Variants in TTC29 observed in about 807,000 individuals in gnomAD.
TTC29 encodes the protein tetratricopeptide repeat domain 29.
A neutral mutation model predicts 58.1 loss-of-function variants in TTC29; 49 were observed. The observed-to-expected ratio is 0.84, with a 90% CI of 0.67 to 1.07. The LOEUF is 1.07. Among genes scored for constraint, TTC29 ranks in the 50% least tolerant of loss-of-function variants. TTC29 has a pLI of 0.00. For missense variants in TTC29, 582 were observed against 555.6 expected, an observed-to-expected ratio of 1.05 and a Z score of -0.48; for synonymous variants, 209 against 196.8, an observed-to-expected ratio of 1.06 and a Z score of -0.52.
intron 10 of TTC29, among the ~76,000 whole-genome samples, chr4:146,819,802 A>G (rs779119765): frequency 1.5e-4 from 23 of 152,322 alleles, no homozygotes; most frequent in Non-Finnish European, 2.6e-4. Flanking sequence ...GTTATAATCA[A>G]TTTCCTTTGA....
At chr4:146,934,297 C>T (rs138277515) in intron 4 of TTC29, 3 of 152,184 alleles carry the variant, frequency 2.0e-5, no homozygotes, top group East Asian at 1.9e-4. Flanking sequence ...TGTAGCTGAT[C>T]GGGCATACTG....
intron 11 of TTC29, among the ~76,000 whole-genome samples, chr4:146,710,559 T>A (rs1019015624): frequency 3.3e-5 from 5 of 152,082 alleles, no homozygotes; most frequent in Admixed American, 3.3e-4. Context: ...CTTGGTTCCA[T>A]CACTGCAAAA....
At chr4:146,719,464 A>C (rs930757801) in intron 11 of TTC29, among the ~76,000 whole-genome samples, 28 of 152,214 alleles carry the variant, frequency 1.8e-4, no homozygotes, top group African/African-American at 6.7e-4. Context: ...GCTCATTCTC[A>C]CTTCAATGAA....
At chr4:146,782,411 A>G (rs1243534615) in intron 11 of TTC29, among the ~76,000 whole-genome samples, 3 of 151,898 alleles carry the variant, frequency 2.0e-5, no homozygotes, top group Non-Finnish European at 2.9e-5. Context: ...GAGAAGAATA[A>G]AAGGAAATTG....
chr4:146,940,293 T>A (rs1413087752), intron 2 of TTC29, among the ~76,000 whole-genome samples: 1 of 152,234 alleles, frequency 6.6e-6, no homozygotes, highest in Non-Finnish European at 1.5e-5. Context: ...CCTGTTACAA[T>A]CAATAATTGA....
At chr4:146,742,311 A>G (rs898285001) in intron 11 of TTC29, among the ~76,000 whole-genome samples, 2 of 152,102 alleles carry the variant, frequency 1.3e-5, no homozygotes, top group African/African-American at 2.4e-5. Context: ...GCCAACCACA[A>G]GCATTTCTCT....
chr4:146,857,073 TAA>T (rs1729906022), intron 8 of TTC29, among the ~76,000 whole-genome samples: 1 of 119,722 alleles, frequency 8.4e-6, no homozygotes, highest in Non-Finnish European at 1.7e-5. Flanking sequence ...TACTATGCCT[TAA>T]GATTATATAA....
intron 5 of TTC29, among the ~76,000 whole-genome samples, chr4:146,907,046 T>C (rs1282982650): frequency 6.6e-6 from 1 of 152,178 alleles, no homozygotes; most frequent in Non-Finnish European, 1.5e-5. Flanking sequence ...CACTTGAACC[T>C]GGAAGAAGGA....
At chr4:146,929,321 A>G (rs1387407631) in intron 4 of TTC29, among the ~76,000 whole-genome samples, 1 of 152,226 alleles carries the variant, frequency 6.6e-6, no homozygotes, top group Non-Finnish European at 1.5e-5. Flanking sequence ...AAATACACTG[A>G]AAAGGGTGGC....
chr4:146,791,628 G>A (rs1749457534), intron 11 of TTC29, among the ~76,000 whole-genome samples: 1 of 152,158 alleles, frequency 6.6e-6, no homozygotes, highest in Non-Finnish European at 1.5e-5. Flanking sequence ...GTGAAAGGAG[G>A]CATTGCATAA....
Position 146,803,615 on chromosome 4 carries a change from G to A in TTC29, c.1172C>T (p.Pro391Leu), listed in dbSNP as rs761093867. The part of the protein sequence containing the change: ...FDTTVELMSM[P>L]LMDETKVHYG... The stretch of plus-strand genomic sequence containing the variant: ...GTGAACTTTTGTCTCATCCATCAGA[G>A]GCATGCTCATTAGCTCTACTGTTGT... The change falls in exon 11 of 13, where the codon CCT (proline) becomes CTT (leucine). Residue 391 changes from proline to leucine, a missense_variant. Physicochemically the swap from Pro to Leu is moderately conservative, Grantham distance 98. Transcript: ENST00000325106. The A allele has an allele frequency of 9.3e-6, 15 of 1,609,636 alleles. No individual in the cohort carries two copies. Among genetic ancestry groups the A allele is most frequent in the Non-Finnish European group, 1.3e-5 (15 of 1,177,746 alleles).
chr4:146,721,484 T>G (rs1413519331), intron 11 of TTC29, among the ~76,000 whole-genome samples: 1 of 152,200 alleles, frequency 6.6e-6, no homozygotes, highest in East Asian at 1.9e-4. Flanking sequence ...TGTCCCTGTA[T>G]CTGTAGCACC....
chr4:146,837,137 T>C (rs1221538177), intron 8 of TTC29, among the ~76,000 whole-genome samples: 1 of 152,124 alleles, frequency 6.6e-6, no homozygotes. Context: ...ATGTGGTACA[T>C]ATACACCATA....
At chr4:146,798,527 G>A (rs184941403) in intron 11 of TTC29, among the ~76,000 whole-genome samples, 22 of 152,096 alleles carry the variant, frequency 1.4e-4, no homozygotes, top group African/African-American at 4.8e-4. Context: ...CACAGAAGCC[G>A]ATGTTTGTGG....
chr4:146,796,739 T>C (rs910471370), intron 11 of TTC29, among the ~76,000 whole-genome samples: 3 of 152,186 alleles, frequency 2.0e-5, no homozygotes, highest in African/African-American at 7.2e-5. Flanking sequence ...TATTTTTAGA[T>C]TTTTAGAAGT....
intron 8 of TTC29, among the ~76,000 whole-genome samples, chr4:146,844,205 A>G (rs1300125887): frequency 6.6e-6 from 1 of 152,206 alleles, no homozygotes; most frequent in Non-Finnish European, 1.5e-5. Flanking sequence ...ATCTTTTTTC[A>G]TCTAAAACTC....
intron 5 of TTC29, 23 bp from the exon 6 acceptor site, chr4:146,903,752 T>C (rs1179400726): frequency 6.6e-7 from 1 of 1,522,064 alleles, no homozygotes; most frequent in African/African-American, 1.4e-5. Flanking sequence ...AAAAGCACCA[T>C]GAATGGCATT....
intron 11 of TTC29, among the ~76,000 whole-genome samples, chr4:146,750,009 T>C (rs1176186478): frequency 6.6e-6 from 1 of 150,806 alleles, no homozygotes; most frequent in Admixed American, 6.6e-5. Context: ...ATTGCCACTA[T>C]ACCTGCTTTT....
intron 11 of TTC29, among the ~76,000 whole-genome samples, chr4:146,708,306 GTTTATATATATATATATATA>G (rs1742139969): frequency 1.3e-5 from 1 of 78,818 alleles, no homozygotes; most frequent in African/African-American, 6.0e-5. Context: ...AATATGGGAA[GTTTATATATATATATATATA>G]TATATATATA....
Sources: gnomAD v4.1 joint callset for allele counts (sites outside exome capture counted in the v4.1 genomes callset) on GRCh38, gnomAD v4.1.1 for gene constraint, MANE v1.5 for transcripts, NCBI Gene and HGNC (gene_info 2026-07-23, HGNC 2026-07-21) for gene names.